PIEZO2: variants seen among roughly 807,000 people sequenced by gnomAD.
PIEZO2 encodes piezo type mechanosensitive ion channel component 2.
In PIEZO2, 172 loss-of-function variants were observed where a neutral mutation model predicts 337.3. That is an observed-to-expected ratio of 0.51 (90% CI 0.45 to 0.58). PIEZO2 has a LOEUF of 0.58. PIEZO2 is among the 20% of genes least tolerant of loss of function. PIEZO2 has a pLI of 0.00. For synonymous variants in PIEZO2, 1,251 were observed against 1,228.5 expected (o/e 1.02, Z -0.38); for missense variants, 3,028 against 3,391.3 (o/e 0.89, Z 2.66).
Position 11,096,516 on chromosome 18 carries a change from G to A in PIEZO2, c.65-30294C>T, listed in dbSNP as rs1281225738. Among the ~76,000 whole-genome samples, 1 of 152,114 alleles carries A rather than the reference G, an allele frequency of 6.6e-6. No individual in the cohort carries two copies. The highest frequency in any genetic ancestry group is 1.5e-5 in the Non-Finnish European group (1 of 68,016). On this transcript the variant is annotated intron_variant, in intron 1 of 55. Coordinates refer to ENST00000674853, the MANE Select transcript of PIEZO2 (RefSeq NM_001378183.1). This position sits in a 1 kb window ranked among gnomAD's most constrained non-coding sequence, Gnocchi z 4.6. ...GTTTCCTCATTGATAAAACTGAAATGACGCTTTACTAAGCATTCTCTGTGG... is the reference window on the plus strand; with the variant it reads ...GTTTCCTCATTGATAAAACTGAAATAACGCTTTACTAAGCATTCTCTGTGG...
At chr18:10,697,627 T>TA in intron 45 of PIEZO2, 121 bp downstream of exon 45, 1 of 1,317,622 alleles carries the variant, frequency 7.6e-7, no homozygotes, top group Non-Finnish European at 1.0e-6. Flanking sequence ...CATTCTGCCT[T>TA]ACGCAGATAA....
chr18:10,951,577 ACCTATAGGTTAAATTCTAAACT>A (rs2033297593), intron 3 of PIEZO2, among the ~76,000 whole-genome samples: 1 of 152,130 alleles, frequency 6.6e-6, no homozygotes, highest in Non-Finnish European at 1.5e-5. Context: ...GCTCCCTTCC[ACCTATAGGTTAAATTCTAAACT>A]CCTATAAATG....
In PIEZO2 at chr18:10,819,350, T is replaced by C. The variant is rs926928767; in HGVS notation, c.918-12076A>G. Among the ~76,000 whole-genome samples the C allele has an allele frequency of 2.0e-5, 3 of 152,236 alleles. No individual in the cohort carries two copies. Among genetic ancestry groups the C allele is most frequent in the African/African-American group, 7.2e-5 (3 of 41,468 alleles). Reference sequence around the variant, plus strand: ...ATTCTTAAAGTGTACATTTTCTCTTTCATTATTCTAATGAATATCTATTCA... The same window carrying C: ...ATTCTTAAAGTGTACATTTTCTCTTCCATTATTCTAATGAATATCTATTCA... On this transcript the variant is annotated intron_variant, in intron 7 of 55. Coordinates refer to ENST00000674853, the MANE Select transcript of PIEZO2 (RefSeq NM_001378183.1). This position sits in a 1 kb window ranked among gnomAD's most constrained non-coding sequence, Gnocchi z 4.3.
intron 2 of PIEZO2, among the ~76,000 whole-genome samples, chr18:11,042,912 C>A (rs928341909): frequency 1.1e-4 from 16 of 152,170 alleles, no homozygotes; most frequent in African/African-American, 3.9e-4. Context: ...GAAAATACTT[C>A]TTCAAAGAAG....
intron 7 of PIEZO2, among the ~76,000 whole-genome samples, chr18:10,852,758 T>C (rs1216912826): frequency 6.6e-6 from 1 of 152,136 alleles, no homozygotes; most frequent in East Asian, 1.9e-4. Context: ...GCAGAGAGAA[T>C]TCTGGCACCG....
At chr18:10,700,840 C>T (rs916587844) in intron 43 of PIEZO2, among the ~76,000 whole-genome samples, 4 of 152,172 alleles carry the variant, frequency 2.6e-5, no homozygotes, top group African/African-American at 9.7e-5. Flanking sequence ...TCAATTTTTG[C>T]TAACTGATTT....
rs141525859 is a variant in PIEZO2 at position 11,008,421 on chromosome 18, C to T, written c.161-28761G>A. On this transcript the variant is annotated intron_variant, in intron 2 of 55. Coordinates refer to ENST00000674853, the MANE Select transcript of PIEZO2 (RefSeq NM_001378183.1). ...GTTCACACTGTCAGCTGCTAGTTAA[C>T]CCTCAGGACGACCTAACTTCCTGGC... 1.1e-3 allele frequency among the ~76,000 whole-genome samples: 160 copies of T among 152,308 alleles called. 2 individuals carry two copies. Among genetic ancestry groups the T allele is most frequent in the African/African-American group, 3.5e-3 (145 of 41,556 alleles).
chr18:10,834,302 C>G lies in PIEZO2; in HGVS notation c.917+21051G>C, dbSNP rs953780918. Among the ~76,000 whole-genome samples, 1 of 152,068 alleles carries G rather than the reference C, an allele frequency of 6.6e-6. No individual in the cohort carries two copies. Among genetic ancestry groups the G allele is most frequent in the Non-Finnish European group, 1.5e-5 (1 of 68,014 alleles). On this transcript the variant is annotated intron_variant, in intron 7 of 55. Transcript: ENST00000674853. The surrounding 1 kb of genome is among the most constrained non-coding windows in gnomAD (Gnocchi z 4.5). ...CTATCCTGTGACTTGGAGCAAATCA[C>G]TTATCTACACCTCAATTTTCCTGTC...
chr18:10,725,049 GCCAA>G, intron 36 of PIEZO2: 1 of 1,566,644 alleles, frequency 6.4e-7, no homozygotes, highest in South Asian at 1.1e-5. Context: ...TGGCCCTGCG[GCCAA>G]CCAACGTGGA....
In PIEZO2 at chr18:10,748,258, C is replaced by G. The variant is rs752351068; in HGVS notation, c.4424+213G>C. ...GAACCTCTGGCCTTCCATGGCACCC[C>G]CATTCCTTGAGAAGTCTGATGGTTA... On this transcript the variant is annotated intron_variant, in intron 30 of 55. Coordinates refer to ENST00000674853, the MANE Select transcript of PIEZO2 (RefSeq NM_001378183.1). The surrounding 1 kb of genome is among the most constrained non-coding windows in gnomAD (Gnocchi z 5.1). 1.3e-5 allele frequency among the ~76,000 whole-genome samples: 2 copies of G among 152,130 alleles called. No individual in the cohort carries two copies. The highest frequency in any genetic ancestry group is 2.9e-5 in the Non-Finnish European group (2 of 68,020).
chr18:10,738,268 G>A (rs1427283180), intron 33 of PIEZO2: 1 of 152,102 alleles, frequency 6.6e-6, no homozygotes, highest in Non-Finnish European at 1.5e-5. Context: ...TGGTCGTTTG[G>A]GAAAACACAG....
At chr18:10,799,151 G>A (rs897746676) in intron 11 of PIEZO2, among the ~76,000 whole-genome samples, 10 of 152,220 alleles carry the variant, frequency 6.6e-5, no homozygotes, top group East Asian at 1.9e-4. Context: ...AGAGTTATGC[G>A]AAAAGGCCCT....
chr18:11,053,132 C>A (rs369599002), intron 2 of PIEZO2, among the ~76,000 whole-genome samples: 3 of 152,118 alleles, frequency 2.0e-5, no homozygotes, highest in Non-Finnish European at 4.4e-5. Context: ...CTCCCTTAAA[C>A]GTGTGTTGTG....
At chr18:10,949,256 G>C (rs777293170) in intron 3 of PIEZO2, among the ~76,000 whole-genome samples, 2 of 152,136 alleles carry the variant, frequency 1.3e-5, no homozygotes, top group African/African-American at 2.4e-5. Flanking sequence ...TACTAATGCA[G>C]GATATGAGTG....
At chr18:11,007,496 C>T (rs930647502) in intron 2 of PIEZO2, among the ~76,000 whole-genome samples, 1 of 152,040 alleles carries the variant, frequency 6.6e-6, no homozygotes, top group Non-Finnish European at 1.5e-5. Context: ...TCAGCTCTTC[C>T]AGAGATTTAA....
intron 1 of PIEZO2, among the ~76,000 whole-genome samples, chr18:11,091,308 C>T (rs113260283): frequency 0.026 from 3,812 of 148,312 alleles, 54 homozygotes; most frequent in Middle Eastern, 0.05. Flanking sequence ...CACTTGACCC[C>T]GGGAGGCGGA....
intron 1 of PIEZO2, among the ~76,000 whole-genome samples, chr18:11,088,156 C>T (rs2038966579): frequency 6.6e-6 from 1 of 152,226 alleles, no homozygotes; most frequent in Non-Finnish European, 1.5e-5. Flanking sequence ...TTATAAGCCC[C>T]TGCAGGCAGA....
intron 32 of PIEZO2, 47 bp from the exon 33 acceptor site, chr18:10,741,149 C>A: frequency 6.7e-6 from 10 of 1,485,312 alleles, no homozygotes; most frequent in Non-Finnish European, 8.9e-6. Flanking sequence ...AGTGAGAAAA[C>A]AAATTTTGAA....
In PIEZO2 at chr18:11,116,435, C is replaced by T. The variant is rs1372057948; in HGVS notation, c.64+32090G>A. Among the ~76,000 whole-genome samples the T allele has an allele frequency of 6.6e-6, 1 of 152,096 alleles. No individual in the cohort carries two copies. The highest frequency in any genetic ancestry group is 1.9e-4 in the East Asian group (1 of 5,176). On this transcript the variant is annotated intron_variant, in intron 1 of 55. Coordinates refer to ENST00000674853, the MANE Select transcript of PIEZO2 (RefSeq NM_001378183.1). The surrounding 1 kb of genome is among the most constrained non-coding windows in gnomAD (Gnocchi z 5.0). ...GTGTGAAAGAATGAAATTTGCAGGC[C>T]GGGCGCGGTGGCTCACGCCTGTAAA...
Sources: allele counts gnomAD v4.1 joint callset (sites outside exome capture counted in the v4.1 genomes callset), GRCh38; gene constraint gnomAD v4.1.1; non-coding constraint Gnocchi (gnomAD v3.1); transcripts MANE v1.5; gene names NCBI Gene and HGNC (gene_info 2026-07-23, HGNC 2026-07-21).